Variants in DOCK5 observed in about 807,000 individuals in gnomAD.
DOCK5 encodes dedicator of cytokinesis protein 5.
In DOCK5, 142 loss-of-function variants were observed where a neutral mutation model predicts 251.8. That is an observed-to-expected ratio of 0.56 (90% CI 0.49 to 0.65). The LOEUF is 0.65. DOCK5 is among the 30% of genes least tolerant of loss of function. The pLI is 0.00. For synonymous variants in DOCK5, 842 were observed against 835.5 expected (o/e 1.01, Z -0.13); for missense variants, 2,111 against 2,312.3 (o/e 0.91, Z 1.79).
At position 25,231,741 on chromosome 8, in the gene DOCK5, G is replaced by A. The variant is rs954990735; in HGVS notation, c.44-11933G>A. Among the ~76,000 whole-genome samples, 4 of 152,098 alleles carry A rather than the reference G, an allele frequency of 2.6e-5. No individual in the cohort carries two copies. The South Asian group carries it at 6.2e-4, about 24-fold the overall frequency. ...TAAAATGTGAAATAGAGCGATTCAA[G>A]CAGATATCTTTGCCTTGTACCTGGT... On this transcript the variant is annotated intron_variant, in intron 1 of 51. Transcript: ENST00000276440.
At chr8:25,268,987 T>C in intron 3 of DOCK5, 102 bp downstream of exon 3, 1 of 1,045,840 alleles carries the variant, frequency 9.6e-7, no homozygotes, top group Non-Finnish European at 1.4e-6. Context: ...TCTCTAGACC[T>C]AGTTTGCTTT....
rs148855924 is a variant in DOCK5 at position 25,194,410 on chromosome 8, T to A, written c.43+9459T>A. ...AGAAACATTTTCTTCTCTAGACTTT[T>A]GATCCCATTTCTCCACAGTTTTCCT... On this transcript the variant is annotated intron_variant, in intron 1 of 51. Transcript: ENST00000276440. Among the ~76,000 whole-genome samples the A allele has an allele frequency of 1.7e-3, 261 of 152,324 alleles. 1 individual carries two copies. The highest frequency in any genetic ancestry group is 5.9e-3 in the African/African-American group (245 of 41,576).
At chr8:25,329,711 G>C (rs556803898) in intron 18 of DOCK5, among the ~76,000 whole-genome samples, 30 of 152,254 alleles carry the variant, frequency 2.0e-4, no homozygotes, top group African/African-American at 7.2e-4. Flanking sequence ...AGACGTATGA[G>C]AATGTTCATG....
Position 25,413,083 on chromosome 8 carries a change from C to G in DOCK5, c.*1785C>G, listed in dbSNP as rs1435949028. ...ATGACATCTGTTAACTTTGCAAACT[C>G]ACAAAAATTATTTGAAATTATCTGA... On this transcript the variant is annotated 3_prime_UTR_variant, in exon 52 of 52. Transcript: ENST00000276440. 1 of 152,174 alleles carries G rather than the reference C, an allele frequency of 6.6e-6. No homozygotes were observed. The highest frequency in any genetic ancestry group is 1.5e-5 in the Non-Finnish European group (1 of 68,030). The allele number at this position is 152,174 out of a possible 1,614,324, so 9.4% of individuals were successfully genotyped here.
intron 2 of DOCK5, among the ~76,000 whole-genome samples, chr8:25,252,004 AAAAAG>A (rs1803285558): frequency 6.6e-6 from 1 of 152,180 alleles, no homozygotes; most frequent in African/African-American, 2.4e-5. Flanking sequence ...AAAAAAAAAA[AAAAAG>A]AGTGCTTTTA....
intron 48 of DOCK5, among the ~76,000 whole-genome samples, chr8:25,405,376 T>A (rs187612324): frequency 6.6e-6 from 1 of 152,238 alleles, no homozygotes; most frequent in African/African-American, 2.4e-5. Flanking sequence ...ACATTTTTAT[T>A]TCCAAATGGC....
At chr8:25,186,400 A>G (rs1270094273) in intron 1 of DOCK5, among the ~76,000 whole-genome samples, 1 of 126,390 alleles carries the variant, frequency 7.9e-6, no homozygotes, top group African/African-American at 3.2e-5. Flanking sequence ...CTGACGAGGG[A>G]GTCTCACTCT....
intron 2 of DOCK5, among the ~76,000 whole-genome samples, chr8:25,251,387 A>G (rs1803264505): frequency 6.6e-6 from 1 of 151,916 alleles, no homozygotes; most frequent in Non-Finnish European, 1.5e-5. Context: ...AAACAGGCAA[A>G]CCTGAAAAGT....
At chr8:25,255,088 C>G (rs1803385091) in intron 2 of DOCK5, among the ~76,000 whole-genome samples, 2 of 152,162 alleles carry the variant, frequency 1.3e-5, no homozygotes, top group African/African-American at 4.8e-5. Flanking sequence ...AACAGGAACT[C>G]TCATTCATTG....
At chr8:25,267,842 A>G (rs73560403) in intron 2 of DOCK5, among the ~76,000 whole-genome samples, 6,985 of 152,148 alleles carry the variant, frequency 0.046, 530 homozygotes, top group African/African-American at 0.16. Flanking sequence ...GAAAACATCT[A>G]TAGGGGTGTG....
intron 1 of DOCK5, among the ~76,000 whole-genome samples, chr8:25,188,745 C>T (rs890970868): frequency 2.6e-5 from 4 of 152,176 alleles, no homozygotes; most frequent in African/African-American, 9.7e-5. Flanking sequence ...TGCTCTAGTA[C>T]CCCAGTGTTA....
In DOCK5 at chr8:25,296,554, A is replaced by G. The variant is rs955583289; in HGVS notation, c.512A>G (p.Asn171Ser). ...LDLVVRDDNG[N>S]ILDPDETSTI... ...CTGGTGGTGCGAGATGACAATGGGA[A>G]CATCCTAGACCCTGACGAAACCAGC... Residue 171 changes from asparagine (N) to serine (S), a missense_variant, in exon 7 of 52, where the codon AAC becomes AGC. Transcript: ENST00000276440. 2 of 1,611,788 alleles carry G rather than the reference A, an allele frequency of 1.2e-6. No homozygotes were observed. The highest frequency in any genetic ancestry group is 2.7e-5 in the African/African-American group (2 of 74,876).
intron 1 of DOCK5, among the ~76,000 whole-genome samples, chr8:25,201,048 AG>A (rs1280787059): frequency 6.6e-6 from 1 of 152,198 alleles, no homozygotes; most frequent in African/African-American, 2.4e-5. Flanking sequence ...CTGGGATTAC[AG>A]GTGCATGCCA....
rs1460333054 is a variant in DOCK5, at chr8:25,325,483, G to A, written c.1839G>A (p.Lys613=). ...SKNLVTFTPS[K]DSTKDSFQIA... Reference sequence around the variant, plus strand: ...ACCTGGTCACCTTCACCCCAAGCAAGGATAGCACTAAAGACAGCTTTCAGA... The same window carrying A: ...ACCTGGTCACCTTCACCCCAAGCAAAGATAGCACTAAAGACAGCTTTCAGA... The change falls in exon 18 of 52, where the codon AAG becomes AAA. Residue 613 remains lysine (K), a synonymous_variant. Coordinates refer to ENST00000276440, the MANE Select transcript of DOCK5 (RefSeq NM_024940.8). 1.2e-6 allele frequency: 2 copies of A among 1,613,846 alleles called. No homozygotes were observed. The highest frequency in any genetic ancestry group is 1.7e-6 in the Non-Finnish European group (2 of 1,179,802).
chr8:25,390,818 G>GT (rs34014169), intron 42 of DOCK5, among the ~76,000 whole-genome samples: 232 of 149,190 alleles, frequency 1.6e-3, no homozygotes, highest in African/African-American at 3.4e-3. Flanking sequence ...CTTTTTTTTT[G>GT]TTTTTTTTTG....
rs142956079 is a variant in DOCK5 at position 25,336,242 on chromosome 8, A to G, written c.2196A>G (p.Lys732=). 12 of 1,608,460 alleles carry G rather than the reference A, an allele frequency of 7.5e-6. No homozygotes were observed. The highest frequency in any genetic ancestry group is 1.3e-5 in the African/African-American group (1 of 74,790). Reference sequence around the variant, plus strand: ...TTTTCTTTCTCATTCTTCTAAGGAAACTCTCCAAGGTACTGAACTTCTATG... The same window carrying G: ...TTTTCTTTCTCATTCTTCTAAGGAAGCTCTCCAAGGTACTGAACTTCTATG... ...KHFSATLAYV[K]LSKVLNFYVA... is the part of the protein sequence containing the mutation. The change falls in exon 22 of 52, where the codon AAA becomes AAG. Residue 732 remains lysine (K), a synonymous_variant. Transcript: ENST00000276440.
chr8:25,323,939 G>A lies in DOCK5; in HGVS notation c.1707G>A (p.Leu569=). The A allele has an allele frequency of 6.2e-7, 1 of 1,611,636 alleles. No individual in the cohort carries two copies. Among genetic ancestry groups the A allele is most frequent in the Non-Finnish European group, 8.5e-7 (1 of 1,178,916 alleles). Residue 569 remains leucine (L), a synonymous_variant, in exon 17 of 52, where the codon CTG becomes CTA. Coordinates refer to ENST00000276440, the MANE Select transcript of DOCK5 (RefSeq NM_024940.8). ...CTCTGCAGGATGGGAGGCACGATCT[G>A]GTGGTTTATAAGGTGGTGCTAACAG... is the stretch of plus-strand genomic sequence containing the variant. ...GTTLQDGRHD[L]VVYKGDNKKM...
At chr8:25,375,133 A>T in intron 37 of DOCK5, 1 of 430,124 alleles carries the variant, frequency 2.3e-6, no homozygotes, top group Non-Finnish European at 3.3e-6. Context: ...TTGGATTTAC[A>T]TATAAACTTT....
intron 2 of DOCK5, among the ~76,000 whole-genome samples, chr8:25,244,400 TAGA>T (rs1244293565): frequency 3.9e-5 from 6 of 152,242 alleles, no homozygotes; most frequent in Non-Finnish European, 8.8e-5. Context: ...CTCTAAATCC[TAGA>T]AGAAGTCTTC....
Sources: gnomAD v4.1 joint callset for allele counts (sites outside exome capture counted in the v4.1 genomes callset) on GRCh38, gnomAD v4.1.1 for gene constraint, MANE v1.5 for transcripts, NCBI Gene and HGNC (gene_info 2026-07-23, HGNC 2026-07-21) for gene names.